The following ESRRG variants were observed in gnomAD, a reference collection of about 807,000 sequenced individuals.
ESRRG encodes the protein estrogen-related receptor gamma.
A neutral mutation model predicts 44.0 loss-of-function variants in ESRRG; 13 were observed. That is an observed-to-expected ratio of 0.30 (90% CI 0.19 to 0.47). The LOEUF is 0.47. Among genes scored for constraint, ESRRG ranks in the 20% least tolerant of loss-of-function variants. The pLI, the probability that ESRRG is intolerant of heterozygous loss-of-function variation, is 1.00. For missense variants in ESRRG, 395 were observed against 580.6 expected (o/e 0.68, Z 3.29); for synonymous variants, 215 against 214.6 (o/e 1.00, Z -0.02).
chr1:217,122,873 C>T (rs148090716), intron 1 of ESRRG, among the ~76,000 whole-genome samples: 17 of 151,714 alleles, frequency 1.1e-4, no homozygotes, highest in East Asian at 1.9e-4. Context: ...TTAGTACAGA[C>T]GGGGTTTCTC....
intron 1 of ESRRG, among the ~76,000 whole-genome samples, chr1:217,038,980 C>A (rs1411957428): frequency 6.6e-6 from 1 of 152,184 alleles, no homozygotes. Context: ...TAAATGATCT[C>A]TCTCAAGTTC....
At chr1:217,125,777 T>G in intron 1 of ESRRG, among the ~76,000 whole-genome samples, 1 of 152,212 alleles carries the variant, frequency 6.6e-6, no homozygotes, top group South Asian at 2.1e-4. Context: ...TATTTATTAT[T>G]ATCATATGTG....
At chr1:216,598,520 A>G (rs558096605) in intron 3 of ESRRG, among the ~76,000 whole-genome samples, 8 of 152,332 alleles carry the variant, frequency 5.3e-5, no homozygotes, top group African/African-American at 1.9e-4. Context: ...AGAAGCAACA[A>G]TGAGCAGGGA....
At chr1:216,665,392 G>A (rs11117650) in intron 2 of ESRRG, among the ~76,000 whole-genome samples, 51,414 of 151,960 alleles carry the variant, frequency 0.34, 9,238 homozygotes, top group South Asian at 0.43. Flanking sequence ...CATGCACAAT[G>A]ACATGAATGA....
chr1:216,769,640 G>T (rs566791609), intron 2 of ESRRG, among the ~76,000 whole-genome samples: 15 of 152,184 alleles, frequency 9.9e-5, no homozygotes, highest in African/African-American at 3.6e-4. Context: ...TACTTCAATA[G>T]AGTGAGAAAA....
intron 6 of ESRRG, among the ~76,000 whole-genome samples, chr1:216,510,497 C>A (rs1273423229): frequency 1.3e-5 from 2 of 152,062 alleles, no homozygotes; most frequent in African/African-American, 2.4e-5. Flanking sequence ...ATCCTTGCAG[C>A]TGCAAATTGA....
chr1:216,939,364 A>AAAAAAAAAAAAAAAAAAAAAC (rs1553720877), intron 2 of ESRRG, among the ~76,000 whole-genome samples: 6 of 133,786 alleles, frequency 4.5e-5, no homozygotes, highest in African/African-American at 1.2e-4. Flanking sequence ...AAAAAAAAAA[A>AAAAAAAAAAAAAAAAAAAAAC]AAAAAACACT....
At chr1:216,778,126 T>C (rs1039054183) in intron 2 of ESRRG, among the ~76,000 whole-genome samples, 1 of 152,096 alleles carries the variant, frequency 6.6e-6, no homozygotes, top group South Asian at 2.1e-4. Flanking sequence ...TGAGCTTTCT[T>C]GGGAAGCAAG....
At chr1:216,712,336 T>C (rs557966348) in intron 1 of ESRRG, among the ~76,000 whole-genome samples, 1 of 152,326 alleles carries the variant, frequency 6.6e-6, no homozygotes, top group South Asian at 2.1e-4. Flanking sequence ...TGGAATATGA[T>C]AGAAAATCTT....
chr1:216,719,087 C>T (rs2085571708), intron 1 of ESRRG, among the ~76,000 whole-genome samples: 1 of 152,006 alleles, frequency 6.6e-6, no homozygotes, highest in Non-Finnish European at 1.5e-5. Flanking sequence ...TTTCTTTAGT[C>T]ATTGAGCTAA....
In ESRRG at chr1:216,688,341, C is replaced by T. The variant is rs370662539; in HGVS notation, c.57-10850G>A. Among the ~76,000 whole-genome samples the T allele has an allele frequency of 1.1e-4, 16 of 152,254 alleles. No individual in the cohort carries two copies. The East Asian group carries it at 1.2e-3, about 11-fold the overall frequency. On this transcript the variant is annotated intron_variant, in intron 1 of 6. Coordinates refer to ENST00000408911, the MANE Select transcript of ESRRG (RefSeq NM_001438.4). ...TATACCCGTCTATCAAGTGCACGAA[C>T]GAGAGACAGAGAGAACAGAGGCAAG... is the stretch of plus-strand genomic sequence containing the variant.
intron 2 of ESRRG, among the ~76,000 whole-genome samples, chr1:216,933,856 G>A (rs1482866047): frequency 1.3e-5 from 2 of 151,896 alleles, no homozygotes; most frequent in Non-Finnish European, 2.9e-5. Context: ...ATTCTCCCTT[G>A]GACTATAGCT....
At chr1:216,997,401 G>A (rs1300003133) in intron 1 of ESRRG, among the ~76,000 whole-genome samples, 1 of 152,184 alleles carries the variant, frequency 6.6e-6, no homozygotes, top group Admixed American at 6.5e-5. Context: ...CAGTGAAACA[G>A]ACCAATGTCT....
intron 3 of ESRRG, among the ~76,000 whole-genome samples, chr1:216,636,276 T>C (rs550857522): frequency 6.6e-6 from 1 of 152,366 alleles, no homozygotes; most frequent in East Asian, 1.9e-4. Context: ...TGTAAGATAT[T>C]ATACTACTTA....
rs114543994 is a variant in ESRRG, at chr1:217,125,739, A to G, written c.-230+11928T>C. Among the ~76,000 whole-genome samples, 1,089 of 152,342 alleles carry G rather than the reference A, an allele frequency of 7.1e-3. 15 individuals are homozygous for G. The highest frequency in any genetic ancestry group is 0.026 in the African/African-American group (1,062 of 41,568). On this transcript the variant is annotated intron_variant, in intron 1 of 8. Transcript: ENST00000366940. Reference sequence around the variant, plus strand: ...ACTTTGAATCTATTTAAATCCCAACATGTAAGGCAACATTAAAAATATGTT... The same window carrying G: ...ACTTTGAATCTATTTAAATCCCAACGTGTAAGGCAACATTAAAAATATGTT...
intron 1 of ESRRG, among the ~76,000 whole-genome samples, chr1:217,117,609 A>C (rs1301384539): frequency 6.6e-6 from 1 of 152,098 alleles, no homozygotes; most frequent in African/African-American, 2.4e-5. Context: ...TAAATAAACA[A>C]TAAAAATTAA....
intron 2 of ESRRG, among the ~76,000 whole-genome samples, chr1:216,840,150 C>A (rs144592844): frequency 2.5e-3 from 384 of 152,314 alleles, no homozygotes; most frequent in Non-Finnish European, 4.0e-3. Context: ...CACTGAAAAT[C>A]TCTTGTTTGC....
chr1:216,664,475 T>C (rs1369482893), intron 2 of ESRRG, among the ~76,000 whole-genome samples: 2 of 150,242 alleles, frequency 1.3e-5, no homozygotes, highest in African/African-American at 4.9e-5. Flanking sequence ...CTATTAATAT[T>C]ATTGGTTAAC....
intron 1 of ESRRG, among the ~76,000 whole-genome samples, chr1:217,071,802 T>G (rs1366580567): frequency 6.6e-6 from 1 of 152,206 alleles, no homozygotes; most frequent in Non-Finnish European, 1.5e-5. Flanking sequence ...GTATAACTAT[T>G]ATTCCAATTT....
Sources: gnomAD v4.1 joint callset for allele counts (sites outside exome capture counted in the v4.1 genomes callset) on GRCh38, gnomAD v4.1.1 for gene constraint, MANE v1.5 for transcripts, NCBI Gene and HGNC (gene_info 2026-07-23, HGNC 2026-07-21) for gene names.